The following SEMA6D variants were observed in gnomAD, a reference collection of about 807,000 sequenced individuals.
SEMA6D encodes the protein semaphorin-6D.
SEMA6D carries 35 observed loss-of-function variants against 106.6 expected under a neutral mutation model. That is an observed-to-expected ratio of 0.33 (90% CI 0.25 to 0.44). The LOEUF is 0.44. Among genes scored for constraint, SEMA6D ranks in the 20% least tolerant of loss-of-function variants. The pLI is 1.00. For missense variants in SEMA6D, 1,185 were observed against 1,345.9 expected (o/e 0.88, Z 1.87); for synonymous variants, 499 against 487.7 (o/e 1.02, Z -0.31).
At chr15:47,688,322 G>T (rs1025344140) in intron 4 of SEMA6D, among the ~76,000 whole-genome samples, 1 of 152,082 alleles carries the variant, frequency 6.6e-6, no homozygotes, top group Non-Finnish European at 1.5e-5. Flanking sequence ...CTTCAGAAGG[G>T]AGTCCTGGTG....
chr15:47,588,254 CAG>C (rs1382962769), intron 3 of SEMA6D, among the ~76,000 whole-genome samples: 5 of 152,206 alleles, frequency 3.3e-5, no homozygotes, highest in Non-Finnish European at 7.3e-5. Context: ...CCTTCCTCTG[CAG>C]AGACATTGCC....
chr15:47,276,472 A>G (rs979103128), intron 1 of SEMA6D, among the ~76,000 whole-genome samples: 5 of 152,284 alleles, frequency 3.3e-5, no homozygotes, highest in Admixed American at 1.3e-4. Flanking sequence ...TGCCATTCCA[A>G]AAAATCCTAG....
intron 3 of SEMA6D, among the ~76,000 whole-genome samples, chr15:47,476,444 A>T (rs1460839644): frequency 6.6e-6 from 1 of 152,162 alleles, no homozygotes; most frequent in Non-Finnish European, 1.5e-5. Context: ...TCCAGGTTTA[A>T]TTAAACAGAA....
intron 4 of SEMA6D, among the ~76,000 whole-genome samples, chr15:47,661,247 C>T (rs2077912053): frequency 6.6e-6 from 1 of 152,130 alleles, no homozygotes; most frequent in African/African-American, 2.4e-5. Flanking sequence ...TTTGAGGTAG[C>T]CTGTTGTAAA....
intron 1 of SEMA6D, among the ~76,000 whole-genome samples, chr15:47,233,918 G>A (rs1173812736): frequency 6.6e-6 from 1 of 151,544 alleles, no homozygotes; most frequent in Admixed American, 6.6e-5. Context: ...TCCTTTTCTT[G>A]TCTTATTGCA....
chr15:47,216,695 C>CA (rs1173899270), intron 1 of SEMA6D, among the ~76,000 whole-genome samples: 6 of 151,634 alleles, frequency 4.0e-5, no homozygotes, highest in African/African-American at 9.7e-5. Context: ...GAAAAATGGA[C>CA]AAAAAAGATA....
At chr15:47,698,364 G>A (rs939531999) in intron 4 of SEMA6D, among the ~76,000 whole-genome samples, 7 of 152,106 alleles carry the variant, frequency 4.6e-5, no homozygotes, top group African/African-American at 1.7e-4. Flanking sequence ...ATTTTCCAAT[G>A]GCAAGAGCAA....
At chr15:47,718,908 C>T (rs1321968375) in intron 1 of SEMA6D, 2 of 152,312 alleles carry the variant, frequency 1.3e-5, no homozygotes, top group South Asian at 2.1e-4. Context: ...TTGACAGCGG[C>T]GGTGTTTGTC....
intron 1 of SEMA6D, among the ~76,000 whole-genome samples, chr15:47,390,059 G>A (rs766030254): frequency 3.9e-5 from 6 of 152,108 alleles, no homozygotes; most frequent in South Asian, 2.1e-4. Context: ...AATACTGACC[G>A]ACAAACTACC....
intron 3 of SEMA6D, among the ~76,000 whole-genome samples, chr15:47,504,322 C>T (rs980403557): frequency 6.6e-6 from 1 of 152,140 alleles, no homozygotes; most frequent in African/African-American, 2.4e-5. Context: ...TCACCACCCC[C>T]ACCTTGAGTG....
chr15:47,368,880 G>A (rs966169011), intron 1 of SEMA6D, among the ~76,000 whole-genome samples: 1 of 152,192 alleles, frequency 6.6e-6, no homozygotes, highest in African/African-American at 2.4e-5. Flanking sequence ...CGTCCTTAGA[G>A]ATGCTTCTTG....
intron 1 of SEMA6D, among the ~76,000 whole-genome samples, chr15:47,254,317 A>ATG (rs1293338364): frequency 1.4e-4 from 11 of 76,548 alleles, no homozygotes; most frequent in South Asian, 4.5e-4. Flanking sequence ...ATATGTATAT[A>ATG]TATGTGTGTG....
intron 3 of SEMA6D, among the ~76,000 whole-genome samples, chr15:47,480,492 A>G (rs547565595): frequency 2.8e-4 from 43 of 152,154 alleles, no homozygotes; most frequent in Admixed American, 2.4e-3. Context: ...AATTTCAATA[A>G]TACTCTTCAT....
chr15:47,487,741 C>G (rs2043339318), intron 3 of SEMA6D, among the ~76,000 whole-genome samples: 1 of 152,186 alleles, frequency 6.6e-6, no homozygotes, highest in African/African-American at 2.4e-5. Context: ...GGTTACAGTG[C>G]TTCACTGACC....
chr15:47,574,824 T>A (rs939748001), intron 3 of SEMA6D, among the ~76,000 whole-genome samples: 13 of 152,230 alleles, frequency 8.5e-5, no homozygotes, highest in African/African-American at 2.9e-4. Flanking sequence ...GTCTCTGCTA[T>A]CTCCTCATTT....
At position 47,684,344 on chromosome 15, in the gene SEMA6D, A is replaced by C. The variant is rs189686348; in HGVS notation, c.-54-75401A>C. On this transcript the variant is annotated intron_variant, in intron 4 of 19. Coordinates refer to the SEMA6D transcript ENST00000558014. Reference sequence around the variant, plus strand: ...AGTACATGCTTGATACTGTCTTTAAAACTGGAAAATTATACCTATATATTA... The same window carrying C: ...AGTACATGCTTGATACTGTCTTTAACACTGGAAAATTATACCTATATATTA... Among the ~76,000 whole-genome samples, 83 of 152,196 alleles carry C rather than the reference A, an allele frequency of 5.5e-4. No homozygotes were observed. The East Asian group carries it at 0.013, about 24-fold the overall frequency.
intron 4 of SEMA6D, among the ~76,000 whole-genome samples, chr15:47,668,676 G>C (rs1177658759): frequency 6.6e-6 from 1 of 152,082 alleles, no homozygotes; most frequent in Non-Finnish European, 1.5e-5. Context: ...CTAGCGAATG[G>C]TCCTCTTCCT....
chr15:47,759,183 G>A (rs780020914), intron 1 of SEMA6D, among the ~76,000 whole-genome samples: 4 of 152,056 alleles, frequency 2.6e-5, no homozygotes, highest in Non-Finnish European at 5.9e-5. Context: ...CACGTTGGTC[G>A]TAGTAAGCAT....
intron 1 of SEMA6D, among the ~76,000 whole-genome samples, chr15:47,211,349 A>G (rs995386265): frequency 2.0e-5 from 3 of 152,204 alleles, no homozygotes; most frequent in African/African-American, 7.2e-5. Flanking sequence ...ATGTTCTGCT[A>G]TAAGATCTAT....
Sources: allele counts gnomAD v4.1 joint callset (sites outside exome capture counted in the v4.1 genomes callset), GRCh38; gene constraint gnomAD v4.1.1; transcripts MANE v1.5; gene names NCBI Gene and HGNC (gene_info 2026-07-23, HGNC 2026-07-21).